The following EML1 variants were observed in gnomAD, a reference collection of about 807,000 sequenced individuals.
EML1 encodes EMAP like 1, also known as echinoderm microtubule-associated protein-like 1.
EML1 carries 27 observed loss-of-function variants against 110.4 expected under a neutral mutation model. The ratio of observed to expected loss-of-function variants is 0.24; its 90% CI spans 0.18 to 0.34. The LOEUF is 0.34. Ranked by LOEUF, EML1 falls within the 10% of genes least tolerant of loss-of-function variation. EML1 has a pLI of 1.00. For missense variants in EML1, 741 were observed against 1,030.9 expected (o/e 0.72, Z 3.85); for synonymous variants, 344 against 385.8 (o/e 0.89, Z 1.27).
At position 99,874,793 on chromosome 14, in the gene EML1, A is replaced by G. The variant is rs527827559; in HGVS notation, c.384-3692A>G. 1.2e-5 allele frequency: 7 copies of G among 575,408 alleles called. No individual in the cohort carries two copies. The East Asian group carries it at 2.3e-4, about 19-fold the overall frequency. The allele number at this position is 575,408 out of a possible 1,614,324, so 35.6% of individuals were successfully genotyped here. The stretch of plus-strand genomic sequence containing the variant: ...GTTGTGAAGGATTATATCCACGTCT[A>G]TATTTGCGAACCAAAATGTCTTTCG... On this transcript the variant is annotated intron_variant, in intron 3 of 21. Transcript: ENST00000262233.
At chr14:99,758,365 A>G (rs896597895) in intron 1 of EML1, among the ~76,000 whole-genome samples, 1 of 152,102 alleles carries the variant, frequency 6.6e-6, no homozygotes, top group Non-Finnish European at 1.5e-5. Flanking sequence ...GCCAACATGA[A>G]GCATACAGAG....
intron 2 of EML1, among the ~76,000 whole-genome samples, chr14:99,854,565 C>G (rs1429746156): frequency 6.6e-6 from 1 of 152,162 alleles, no homozygotes; most frequent in Non-Finnish European, 1.5e-5. Flanking sequence ...GGATACTGCT[C>G]TGGGTCTTAG....
At position 99,837,430 on chromosome 14, in the gene EML1, T is replaced by C. The variant is rs561197317; in HGVS notation, c.68-13423T>C. 3.3e-5 allele frequency among the ~76,000 whole-genome samples: 5 copies of C among 152,368 alleles called. 1 individual carries two copies. The South Asian group carries it at 1.0e-3, about 32-fold the overall frequency. Reference sequence around the variant, plus strand: ...TGTTTAAGGTAGGAAGGTAATCTAATCACTGTTACTCCATCTTGGCTGGAA... The same window carrying C: ...TGTTTAAGGTAGGAAGGTAATCTAACCACTGTTACTCCATCTTGGCTGGAA... On this transcript the variant is annotated intron_variant, in intron 1 of 21. Transcript: ENST00000262233.
intron 13 of EML1, among the ~76,000 whole-genome samples, chr14:99,911,932 C>T (rs1333707274): frequency 1.3e-5 from 2 of 150,190 alleles, no homozygotes; most frequent in Non-Finnish European, 3.0e-5. Flanking sequence ...GGGTCTGGCT[C>T]TCACCCAGGC....
chr14:99,787,268 C>CTT (rs34680462), intron 1 of EML1, among the ~76,000 whole-genome samples: 1,431 of 101,562 alleles, frequency 0.014, 69 homozygotes, highest in African/African-American at 0.03. Flanking sequence ...CTCTGAGATT[C>CTT]TTTTTTTTTT....
intron 17 of EML1, among the ~76,000 whole-genome samples, chr14:99,935,464 CAAAAG>C (rs2060450137): frequency 6.8e-6 from 1 of 146,582 alleles, no homozygotes; most frequent in East Asian, 2.0e-4. Flanking sequence ...AACCCTGTCT[CAAAAG>C]AAAAAAAAAA....
intron 17 of EML1, among the ~76,000 whole-genome samples, 199 bp downstream of exon 17, chr14:99,921,076 C>T (rs1183935222): frequency 6.6e-6 from 1 of 152,016 alleles, no homozygotes; most frequent in Admixed American, 6.6e-5. Flanking sequence ...CTCCCCCTCG[C>T]CCCCCTCCAA....
chr14:99,937,190 G>A (rs1261006671), intron 19 of EML1, among the ~76,000 whole-genome samples: 1 of 152,224 alleles, frequency 6.6e-6, no homozygotes, highest in Non-Finnish European at 1.5e-5. Flanking sequence ...AAGCAGGGCA[G>A]TGTGTACCGA....
At position 99,936,028 on chromosome 14, in the gene EML1, G is replaced by C. The variant is rs1284764603; in HGVS notation, c.1910-1G>C. 1.9e-6 allele frequency: 3 copies of C among 1,613,664 alleles called. No individual in the cohort carries two copies. The highest frequency in any genetic ancestry group is 2.5e-6 in the Non-Finnish European group (3 of 1,179,692). ...AAATGTAATTTGTCATCTTTTTATA[G>C]ATGGGAATTTCTTAGCCATAGGCTC... On this transcript the variant is annotated splice_acceptor_variant, in intron 17 of 21. Coordinates refer to ENST00000262233, the MANE Select transcript of EML1 (RefSeq NM_004434.3). LOFTEE classifies it high-confidence loss of function. The surrounding 1 kb of genome is among the most constrained non-coding windows in gnomAD (Gnocchi z 5.5).
rs1214406937 is a variant in EML1 at position 99,853,759 on chromosome 14, TC to T, written c.250+2727del. On this transcript the variant is annotated intron_variant, in intron 2 of 21. Transcript: ENST00000262233. ...ATCTTGGTTCTCTGCAACCTCCGCCTCCCGGGTTCAAGCGATTCTCCAGCCT... is the reference window on the plus strand; with the variant it reads ...ATCTTGGTTCTCTGCAACCTCCGCCTCCGGGTTCAAGCGATTCTCCAGCCT... 2.6e-5 allele frequency among the ~76,000 whole-genome samples: 4 copies of T among 152,048 alleles called. No individual in the cohort carries two copies. The East Asian group carries it at 7.7e-4, about 29-fold the overall frequency.
intron 17 of EML1, among the ~76,000 whole-genome samples, chr14:99,933,478 A>G (rs1051471631): frequency 4.6e-5 from 7 of 152,122 alleles, no homozygotes; most frequent in Non-Finnish European, 1.0e-4. Context: ...ACCTGGCCTG[A>G]TGGGGTAGTT....
At chr14:99,772,607 GTT>G (rs1279998046), upstream of EML1, among the ~76,000 whole-genome samples, 1 of 152,154 alleles carries the variant, frequency 6.6e-6, no homozygotes, top group Non-Finnish European at 1.5e-5. Context: ...TCCAGGCATT[GTT>G]TTTATTATTT....
In EML1 at chr14:99,881,008, C is replaced by T. The variant is rs142056360; in HGVS notation, c.518+2389C>T. 9.8e-5 allele frequency among the ~76,000 whole-genome samples: 15 copies of T among 152,314 alleles called. No individual in the cohort carries two copies. In the East Asian group the frequency reaches 2.7e-3, roughly 27 times the overall value. ...AAGATGAAAGTGTTAGATTTTGTCACAATCCGCGTTGCACTTGTGTCTAAC... is the reference window on the plus strand; with the variant it reads ...AAGATGAAAGTGTTAGATTTTGTCATAATCCGCGTTGCACTTGTGTCTAAC... On this transcript the variant is annotated intron_variant, in intron 4 of 21. Transcript: ENST00000262233.
chr14:99,769,860 C>T (rs1215968522), upstream of EML1, among the ~76,000 whole-genome samples: 4 of 152,210 alleles, frequency 2.6e-5, no homozygotes, highest in African/African-American at 9.6e-5. Context: ...CCTCTTTCCT[C>T]CTTTTCTTGG....
At chr14:99,931,747 G>A (rs2060372848) in intron 17 of EML1, among the ~76,000 whole-genome samples, 2 of 152,148 alleles carry the variant, frequency 1.3e-5, no homozygotes, top group African/African-American at 2.4e-5. Flanking sequence ...ATTGACAAAC[G>A]CTGGTTGGTT....
At chr14:99,916,896 C>T (rs2060042736) in intron 15 of EML1, among the ~76,000 whole-genome samples, 1 of 152,228 alleles carries the variant, frequency 6.6e-6, no homozygotes, top group South Asian at 2.1e-4. Context: ...CCTCATCCCT[C>T]CCTCCCCTGT....
chr14:99,771,373 A>G (rs1009901885), upstream of EML1, among the ~76,000 whole-genome samples: 1 of 152,230 alleles, frequency 6.6e-6, no homozygotes, highest in Non-Finnish European at 1.5e-5. Flanking sequence ...TAACGTTTTC[A>G]AGGTTCATCC....
intron 15 of EML1, chr14:99,915,166 A>T: frequency 5.0e-6 from 1 of 199,422 alleles, no homozygotes; most frequent in Non-Finnish European, 1.0e-5. Context: ...TAATCCCAGC[A>T]CTTTGGGAGG....
chr14:99,795,503 G>C (rs960893573), intron 1 of EML1, among the ~76,000 whole-genome samples: 1 of 152,074 alleles, frequency 6.6e-6, no homozygotes. Flanking sequence ...TAAAGCAAGA[G>C]TGGCCTATGG....
Sources: allele counts gnomAD v4.1 joint callset (sites outside exome capture counted in the v4.1 genomes callset), GRCh38; gene constraint gnomAD v4.1.1; non-coding constraint Gnocchi (gnomAD v3.1); transcripts MANE v1.5; gene names NCBI Gene and HGNC (gene_info 2026-07-23, HGNC 2026-07-21).